The following MAN2A1 variants were observed in gnomAD, a reference collection of about 807,000 sequenced individuals.
MAN2A1 encodes the protein alpha-mannosidase 2.
A neutral mutation model predicts 142.6 loss-of-function variants in MAN2A1; 76 were observed. That is an observed-to-expected ratio of 0.53 (90% CI 0.44 to 0.65). The LOEUF (loss-of-function observed/expected upper bound fraction) is 0.65, where lower values mean the gene tolerates loss of function less well. Ranked by LOEUF, MAN2A1 falls within the 30% of genes least tolerant of loss-of-function variation. The pLI, the probability that MAN2A1 is intolerant of heterozygous loss-of-function variation, is 0.00. For synonymous variants in MAN2A1, 559 were observed against 473.2 expected, an observed-to-expected ratio of 1.18 and a Z score of -2.35; for missense variants, 1,311 against 1,365.1, an observed-to-expected ratio of 0.96 and a Z score of 0.62.
chr5:109,767,747 A>G (rs371220415), intron 6 of MAN2A1, 39 bp downstream of exon 6: 6 of 1,562,036 alleles, frequency 3.8e-6, no homozygotes, highest in South Asian at 1.1e-5. Context: ...CATTTGGCCT[A>G]GATACTATTT....
intron 4 of MAN2A1, among the ~76,000 whole-genome samples, chr5:109,749,198 C>A (rs1752484239): frequency 6.6e-6 from 1 of 152,056 alleles, no homozygotes; most frequent in Non-Finnish European, 1.5e-5. Context: ...GTAACAATTT[C>A]CCCATTAGGG....
chr5:109,780,223 A>G (rs765936958), intron 8 of MAN2A1, among the ~76,000 whole-genome samples: 1 of 151,418 alleles, frequency 6.6e-6, no homozygotes. Context: ...ACACCCAGCT[A>G]ATTTTTTTTT....
chr5:109,814,200 T>C (rs1382035099), intron 12 of MAN2A1, among the ~76,000 whole-genome samples: 5 of 152,180 alleles, frequency 3.3e-5, no homozygotes. Context: ...GATATAAACA[T>C]AATTCTTTTG....
At chr5:109,832,658 A>G (rs1184010898) in intron 16 of MAN2A1, among the ~76,000 whole-genome samples, 6 of 152,132 alleles carry the variant, frequency 3.9e-5, no homozygotes, top group Admixed American at 3.3e-4. Flanking sequence ...CGCCATCGTC[A>G]TCATGGCCCG....
chr5:109,795,726 G>T (rs2112687889), intron 12 of MAN2A1, among the ~76,000 whole-genome samples: 1 of 152,268 alleles, frequency 6.6e-6, no homozygotes, highest in East Asian at 1.9e-4. Flanking sequence ...TCAAATTCTG[G>T]TATTATATCA....
At position 109,849,877 on chromosome 5, in the gene MAN2A1, T is replaced by C. The variant is rs1177583237; in HGVS notation, c.2976+2087T>C. ...TAGGCATTGGCATTGGCATGCCTTT[T>C]ACTGTGTCTGCTTTAGGCCCACTGG... On this transcript the variant is annotated intron_variant, in intron 19 of 21. Transcript: ENST00000261483. Among the ~76,000 whole-genome samples the C allele has an allele frequency of 2.6e-5, 4 of 152,208 alleles. No homozygotes were observed. The South Asian group carries it at 6.2e-4, about 24-fold the overall frequency.
At chr5:109,814,038 T>G (rs945576459) in intron 12 of MAN2A1, among the ~76,000 whole-genome samples, 1 of 152,144 alleles carries the variant, frequency 6.6e-6, no homozygotes, top group Non-Finnish European at 1.5e-5. Flanking sequence ...CCCTGAATTA[T>G]GGGGGCCCAA....
intron 1 of MAN2A1, among the ~76,000 whole-genome samples, chr5:109,691,246 T>G (rs901730187): frequency 6.6e-6 from 1 of 152,048 alleles, no homozygotes; most frequent in Non-Finnish European, 1.5e-5. Context: ...GTAAATGAGT[T>G]GGGAAGACGA....
At chr5:109,808,175 C>T (rs966731978) in intron 12 of MAN2A1, among the ~76,000 whole-genome samples, 4 of 152,078 alleles carry the variant, frequency 2.6e-5, no homozygotes, top group South Asian at 4.1e-4. Flanking sequence ...CATTATTTCC[C>T]GTATATCTGT....
chr5:109,772,581 A>G (rs3753176), intron 7 of MAN2A1, among the ~76,000 whole-genome samples: 19 of 151,924 alleles, frequency 1.3e-4, no homozygotes, highest in Non-Finnish European at 2.2e-4. Flanking sequence ...ACAATAGCTC[A>G]CTGGAGCCTC....
chr5:109,749,785 T>A (rs954017838), intron 4 of MAN2A1, among the ~76,000 whole-genome samples: 6 of 152,018 alleles, frequency 3.9e-5, no homozygotes, highest in African/African-American at 1.4e-4. Flanking sequence ...TCCACTAATA[T>A]TCCCCTGCTT....
intron 17 of MAN2A1, among the ~76,000 whole-genome samples, chr5:109,845,567 GC>G (rs1755324748): frequency 6.6e-6 from 1 of 152,094 alleles, no homozygotes; most frequent in East Asian, 1.9e-4. Context: ...TTTGTTTTAT[GC>G]AAATATTGGA....
In MAN2A1 at chr5:109,866,893, A is replaced by G; in HGVS notation, c.3330A>G (p.Thr1110=). ...LLNKFIVESL[T]PSSLSLMHSP... Reference sequence around the variant, plus strand: ...ACAAGTTTATTGTCGAAAGTCTCACACCTTCATCACTATCCTTGATGCATT... The same window carrying G: ...ACAAGTTTATTGTCGAAAGTCTCACGCCTTCATCACTATCCTTGATGCATT... Residue 1110 remains threonine (T), a synonymous_variant, in exon 22 of 22, where the codon ACA becomes ACG. Coordinates refer to ENST00000261483, the MANE Select transcript of MAN2A1 (RefSeq NM_002372.4). 6.2e-7 allele frequency: 1 copy of G among 1,611,814 alleles called. No homozygotes were observed.
intron 5 of MAN2A1, among the ~76,000 whole-genome samples, chr5:109,764,381 G>T (rs1321465312): frequency 1.3e-5 from 2 of 152,096 alleles, no homozygotes; most frequent in African/African-American, 2.4e-5. Flanking sequence ...GTTCTTGCAT[G>T]AAGGCATGAA....
chr5:109,714,410 T>C (rs916533296), intron 2 of MAN2A1, among the ~76,000 whole-genome samples: 4 of 152,222 alleles, frequency 2.6e-5, no homozygotes, highest in African/African-American at 4.8e-5. Context: ...ATATTTTGGA[T>C]ATACTGGATT....
At chr5:109,726,265 C>A (rs1751741852) in intron 3 of MAN2A1, among the ~76,000 whole-genome samples, 1 of 152,100 alleles carries the variant, frequency 6.6e-6, no homozygotes, top group African/African-American at 2.4e-5. Flanking sequence ...TACTATATTT[C>A]TGGTTGGTCT....
At chr5:109,808,830 A>C (rs1754242581) in intron 12 of MAN2A1, among the ~76,000 whole-genome samples, 1 of 151,412 alleles carries the variant, frequency 6.6e-6, no homozygotes, top group Non-Finnish European at 1.5e-5. Flanking sequence ...CAGCCTCCTG[A>C]GTAGCTGGGA....
At chr5:109,817,461 A>G in intron 13 of MAN2A1, 23 bp downstream of exon 13, 2 of 1,611,788 alleles carry the variant, frequency 1.2e-6, no homozygotes, top group Non-Finnish European at 8.5e-7. Flanking sequence ...CATAGAACTT[A>G]AGGAGGCATT....
intron 3 of MAN2A1, among the ~76,000 whole-genome samples, chr5:109,718,550 A>T (rs1751517434): frequency 6.6e-6 from 1 of 152,176 alleles, no homozygotes; most frequent in African/African-American, 2.4e-5. Context: ...AGCGGCAAAG[A>T]ACATATGCCT....
Sources: gnomAD v4.1 joint callset for allele counts (sites outside exome capture counted in the v4.1 genomes callset) on GRCh38, gnomAD v4.1.1 for gene constraint, MANE v1.5 for transcripts, NCBI Gene and HGNC (gene_info 2026-07-23, HGNC 2026-07-21) for gene names.